The following L3MBTL4 variants were observed in gnomAD, a reference collection of about 807,000 sequenced individuals.
The protein encoded by L3MBTL4 is L3MBTL histone methyl-lysine binding protein 4, also known as lethal(3)malignant brain tumor-like protein 4.
Under a neutral mutation model 84.5 loss-of-function variants are expected in L3MBTL4, and 70 were observed. That is an observed-to-expected ratio of 0.83 (90% CI 0.68 to 1.01). L3MBTL4 has a LOEUF of 1.01. Ranked by LOEUF, L3MBTL4 falls within the 50% of genes least tolerant of loss-of-function variation. L3MBTL4 has a pLI of 0.00. For synonymous variants in L3MBTL4, 274 were observed against 259.8 expected, an observed-to-expected ratio of 1.05 and a Z score of -0.52; for missense variants, 715 against 754.8, an observed-to-expected ratio of 0.95 and a Z score of 0.62.
At chr18:6,319,486 G>A (rs529241043) in intron 1 of L3MBTL4, among the ~76,000 whole-genome samples, 1 of 152,148 alleles carries the variant, frequency 6.6e-6, no homozygotes, top group East Asian at 1.9e-4. Context: ...AAAATCATTT[G>A]TGACTACTGT....
intron 1 of L3MBTL4, among the ~76,000 whole-genome samples, chr18:6,402,264 A>G (rs909016444): frequency 2.6e-5 from 4 of 152,226 alleles, no homozygotes; most frequent in African/African-American, 9.6e-5. Context: ...CACAATCTAC[A>G]TTGCCATCTC....
At chr18:6,259,405 G>A (rs1195581821) in intron 5 of L3MBTL4, 1 of 152,040 alleles carries the variant, frequency 6.6e-6, no homozygotes, top group African/African-American at 2.4e-5. Flanking sequence ...ATAATAATAA[G>A]CATTCTGGCT....
At chr18:6,339,211 A>G (rs2052489709) in intron 1 of L3MBTL4, among the ~76,000 whole-genome samples, 1 of 152,202 alleles carries the variant, frequency 6.6e-6, no homozygotes, top group Non-Finnish European at 1.5e-5. Context: ...TGTCCTTCAA[A>G]AGCACTTGAA....
At chr18:6,199,917 G>A (rs75110865) in intron 12 of L3MBTL4, among the ~76,000 whole-genome samples, 285 of 152,290 alleles carry the variant, frequency 1.9e-3, no homozygotes, top group African/African-American at 6.3e-3. Flanking sequence ...AGGGCCCAAG[G>A]GCAGTGAAAG....
At chr18:6,244,123 A>T (rs749021660) in intron 6 of L3MBTL4, among the ~76,000 whole-genome samples, 1 of 152,222 alleles carries the variant, frequency 6.6e-6, no homozygotes, top group Non-Finnish European at 1.5e-5. Flanking sequence ...TATATAATTC[A>T]TATGCATTAA....
chr18:6,388,934 G>T (rs1314324317), intron 1 of L3MBTL4, among the ~76,000 whole-genome samples: 1 of 152,210 alleles, frequency 6.6e-6, no homozygotes, highest in East Asian at 1.9e-4. Flanking sequence ...AACCAGAAAA[G>T]GTGCTTAAAA....
rs77931246 is a variant in L3MBTL4, at chr18:6,412,261, G to A, written c.-91+2540C>T. 6.0e-3 allele frequency among the ~76,000 whole-genome samples: 917 copies of A among 152,054 alleles called. 7 individuals are homozygous for A. The highest frequency in any genetic ancestry group is 0.021 in the African/African-American group (861 of 41,444). On this transcript the variant is annotated intron_variant, in intron 1 of 18. Transcript: ENST00000317931. ...TCTTTGGTTTTCTCAATCCAGTGTT[G>A]TATAAATGGAATTTATCCTTTCCAC...
At chr18:6,287,594 T>G (rs1011827635) in intron 4 of L3MBTL4, among the ~76,000 whole-genome samples, 14 of 152,152 alleles carry the variant, frequency 9.2e-5, no homozygotes, top group African/African-American at 3.4e-4. Context: ...GAAACTCCCA[T>G]GTAAATAACA....
intron 12 of L3MBTL4, among the ~76,000 whole-genome samples, chr18:6,211,400 T>C (rs1307142953): frequency 6.6e-6 from 1 of 152,036 alleles, no homozygotes; most frequent in African/African-American, 2.4e-5. Flanking sequence ...ATACTGACTT[T>C]AAAAAGAAAA....
chr18:6,251,336 G>C (rs1396468965), intron 5 of L3MBTL4, among the ~76,000 whole-genome samples: 1 of 152,212 alleles, frequency 6.6e-6, no homozygotes, highest in Non-Finnish European at 1.5e-5. Context: ...GTTGTAGCCA[G>C]AAACCTAGAA....
chr18:6,146,050 C>G (rs2042637204), intron 13 of L3MBTL4, among the ~76,000 whole-genome samples: 1 of 152,156 alleles, frequency 6.6e-6, no homozygotes, highest in Admixed American at 6.5e-5. Context: ...AGTGAGAGCA[C>G]GGGACACGCT....
intron 13 of L3MBTL4, among the ~76,000 whole-genome samples, chr18:6,149,391 T>C (rs1306061167): frequency 6.6e-6 from 1 of 152,020 alleles, no homozygotes; most frequent in Non-Finnish European, 1.5e-5. Context: ...TCATTTTTTA[T>C]GGCTGCATAG....
intron 1 of L3MBTL4, among the ~76,000 whole-genome samples, chr18:6,360,445 G>T (rs1568552314): frequency 6.6e-6 from 1 of 152,144 alleles, no homozygotes; most frequent in Non-Finnish European, 1.5e-5. Context: ...TATTCTAGAG[G>T]TTTTCACTTT....
intron 16 of L3MBTL4, among the ~76,000 whole-genome samples, chr18:6,036,783 G>T (rs143109664): frequency 6.6e-6 from 1 of 152,126 alleles, no homozygotes; most frequent in Non-Finnish European, 1.5e-5. Context: ...TAAAATTGTT[G>T]TTGTTTGATT....
intron 16 of L3MBTL4, among the ~76,000 whole-genome samples, chr18:6,045,550 G>A (rs1252386056): frequency 2.0e-5 from 3 of 152,154 alleles, no homozygotes; most frequent in Non-Finnish European, 4.4e-5. Flanking sequence ...ATGGCAGCAG[G>A]CAAAGACGGT....
chr18:6,332,964 T>G (rs746005721), intron 1 of L3MBTL4, among the ~76,000 whole-genome samples: 2 of 152,194 alleles, frequency 1.3e-5, no homozygotes, highest in Non-Finnish European at 2.9e-5. Flanking sequence ...TGGATTGTAA[T>G]CCCAACGTTA....
At chr18:6,389,428 T>C (rs1452349724) in intron 1 of L3MBTL4, among the ~76,000 whole-genome samples, 2 of 152,122 alleles carry the variant, frequency 1.3e-5, no homozygotes, top group Non-Finnish European at 2.9e-5. Flanking sequence ...ACATGATGAC[T>C]GGAACAATAC....
At chr18:6,091,235 G>T (rs2058447175) in intron 15 of L3MBTL4, among the ~76,000 whole-genome samples, 1 of 151,334 alleles carries the variant, frequency 6.6e-6, no homozygotes, top group South Asian at 2.1e-4. Context: ...GTTCTCTTTT[G>T]TTCCCTTGCC....
rs554456478 is a variant in L3MBTL4, at chr18:6,180,039, T to C, written c.982-8097A>G. Among the ~76,000 whole-genome samples, 158 of 152,200 alleles carry C rather than the reference T, an allele frequency of 1.0e-3. 1 individual carries two copies. Among genetic ancestry groups the C allele is most frequent in the African/African-American group, 3.6e-3 (151 of 41,524 alleles). On this transcript the variant is annotated intron_variant, in intron 12 of 18. Transcript: ENST00000317931. ...TTTGCCAAGATCATAAGCCAGTAAA[T>C]GGCAAAAACAGACTTAACCTGAGAA...
Sources: allele counts gnomAD v4.1 joint callset (sites outside exome capture counted in the v4.1 genomes callset), GRCh38; gene constraint gnomAD v4.1.1; transcripts MANE v1.5; gene names NCBI Gene and HGNC (gene_info 2026-07-23, HGNC 2026-07-21).